Variants in VPS37C observed in about 807,000 individuals in gnomAD.
VPS37C encodes the protein VPS37C subunit of ESCRT-I.
Under a neutral mutation model 16.1 loss-of-function variants are expected in VPS37C, and 9 were observed. That is an observed-to-expected ratio of 0.56 (90% confidence interval 0.34 to 0.97). VPS37C has a LOEUF of 0.97. Among genes scored for constraint, VPS37C ranks in the 50% least tolerant of loss-of-function variants. VPS37C has a pLI of 0.02. For missense variants in VPS37C, 479 were observed against 472.7 expected (o/e 1.01, Z -0.12); for synonymous variants, 207 against 206.4 (o/e 1.00, Z -0.02).
chr11:61,133,312 T>C lies in VPS37C; in HGVS notation c.291A>G (p.Pro97=). Residue 97 remains proline, a synonymous_variant, in exon 4 of 5, where the codon CCA becomes CCG. Transcript: ENST00000301765. ...KLEKFSSALQ[P]GTLLDLLQVE... ...CCTGCAGAAGGTCTAACAAGGTCCC[T>C]GGCTGCAGTGCTGAAGAAAATTTCT... 2 of 1,614,170 alleles carry C rather than the reference T, an allele frequency of 1.2e-6. No homozygotes were observed. Among genetic ancestry groups the C allele is most frequent in the Non-Finnish European group, 1.7e-6 (2 of 1,180,016 alleles).
chr11:61,151,077 G>C (rs1333543934), intron 1 of VPS37C, among the ~76,000 whole-genome samples: 1 of 152,154 alleles, frequency 6.6e-6, no homozygotes, highest in Non-Finnish European at 1.5e-5. Flanking sequence ...GGGAGGAAAC[G>C]CAGAGCCTGA....
Position 61,134,130 on chromosome 11 carries a change from C to G in VPS37C, c.171G>C (p.Gln57His). 1.2e-6 allele frequency: 2 copies of G among 1,614,014 alleles called. No homozygotes were observed. The highest frequency in any genetic ancestry group is 1.7e-6 in the Non-Finnish European group (2 of 1,179,982). Reference sequence around the variant, plus strand: ...TTGAGCGGCTGATCTCCAGGGGACCCTGGAACTCCAAGTTCCGCTCTGCCA... The same window carrying G: ...TTGAGCGGCTGATCTCCAGGGGACCGTGGAACTCCAAGTTCCGCTCTGCCA... ...RSLAERNLEF[Q>H]GPLEISRSNL... The change falls in exon 3 of 5, where the codon CAG (glutamine) becomes CAC (histidine). Residue 57 changes from glutamine to histidine, a missense_variant. By Grantham distance (24) the Gln-to-His change is conservative (BLOSUM62 0). Transcript: ENST00000301765.
At chr11:61,153,455 G>A (rs961196292) in intron 1 of VPS37C, among the ~76,000 whole-genome samples, 1 of 152,086 alleles carries the variant, frequency 6.6e-6, no homozygotes, top group African/African-American at 2.4e-5. Flanking sequence ...TTATAGCAGT[G>A]TGAAAAAACG....
At chr11:61,140,407 G>A (rs72914713) in intron 1 of VPS37C, among the ~76,000 whole-genome samples, 5,679 of 151,712 alleles carry the variant, frequency 0.037, 158 homozygotes, top group Non-Finnish European at 0.06. Flanking sequence ...GGGTGCCCTG[G>A]TTTAAACAAC....
In VPS37C at chr11:61,138,744, G is replaced by T. The variant is rs746081793; in HGVS notation, c.86C>A (p.Ser29Tyr). The T allele has an allele frequency of 1.2e-6, 2 of 1,613,930 alleles. No homozygotes were observed. Among genetic ancestry groups the T allele is most frequent in the South Asian group, 1.1e-5 (1 of 91,074 alleles). Residue 29 changes from serine (S) to tyrosine (Y), a missense_variant, in exon 2 of 5, where the codon TCC becomes TAC. Ser to Tyr is a moderately radical substitution (Grantham distance 144). Transcript: ENST00000301765. The stretch of plus-strand genomic sequence containing the variant: ...ATACCAGCCTCCCTCTACCTCAGGG[G>T]ACTCCAGGGCCAGCTGGTCAATCGC... ...SEAIDQLALE[S>Y]PEVQDLQLER...
At chr11:61,138,929 GT>G in intron 1 of VPS37C, 94 bp from the exon 2 acceptor site, 2 of 1,160,560 alleles carry the variant, frequency 1.7e-6, no homozygotes, top group South Asian at 2.5e-5. Context: ...ACAAACTGGA[GT>G]TTTCCTGCGA....
intron 1 of VPS37C, among the ~76,000 whole-genome samples, chr11:61,156,189 C>G (rs571636069): frequency 1.3e-5 from 2 of 152,144 alleles, no homozygotes; most frequent in African/African-American, 4.8e-5. Context: ...AAATTGAAAA[C>G]AAATAGCAAG....
chr11:61,150,540 T>C lies in VPS37C; in HGVS notation c.-7+10851A>G, dbSNP rs1044219806. Among the ~76,000 whole-genome samples, 97 of 134,684 alleles carry C rather than the reference T, an allele frequency of 7.2e-4. 1 individual carries two copies. Among genetic ancestry groups the C allele is most frequent in the Non-Finnish European group, 8.9e-4 (58 of 65,508 alleles). 88.4% of individuals were successfully genotyped at this position (134,684 alleles called of 152,430 possible). A position where few individuals can be genotyped will look rare whatever the true frequency, so the allele number is the denominator to read the frequency against. ...TGGCCTAATCCTGTCACTTTCAACCTTTTTCAAAGGAGTTTTGTTTTTTTT... is the reference window on the plus strand; with the variant it reads ...TGGCCTAATCCTGTCACTTTCAACCCTTTTCAAAGGAGTTTTGTTTTTTTT... On this transcript the variant is annotated intron_variant, in intron 1 of 4. Transcript: ENST00000301765.
chr11:61,133,960 G>C (rs142405695), intron 3 of VPS37C, 76 bp downstream of exon 3: 2 of 1,509,326 alleles, frequency 1.3e-6, no homozygotes, highest in African/African-American at 1.4e-5. Flanking sequence ...AAAGCACTTA[G>C]CACAGGGCTG....
At chr11:61,134,940 G>C (rs1861339288) in intron 2 of VPS37C, among the ~76,000 whole-genome samples, 1 of 152,222 alleles carries the variant, frequency 6.6e-6, no homozygotes. Context: ...CTGTTGTGAT[G>C]TGACGCCCCA....
intron 1 of VPS37C, among the ~76,000 whole-genome samples, chr11:61,147,842 C>A (rs567670564): frequency 6.6e-6 from 1 of 152,182 alleles, no homozygotes; most frequent in Non-Finnish European, 1.5e-5. Context: ...ACTCTCCCCC[C>A]AGATTGTGTG....
At chr11:61,135,053 A>G (rs1364814490) in intron 2 of VPS37C, among the ~76,000 whole-genome samples, 1 of 152,182 alleles carries the variant, frequency 6.6e-6, no homozygotes, top group Non-Finnish European at 1.5e-5. Flanking sequence ...GGGGCACCAG[A>G]AGAGAGGCCT....
At chr11:61,152,141 C>T (rs1268130331) in intron 1 of VPS37C, among the ~76,000 whole-genome samples, 2 of 152,128 alleles carry the variant, frequency 1.3e-5, no homozygotes, top group Admixed American at 6.5e-5. Flanking sequence ...GAGTGTGCAC[C>T]GGTCATGCAA....
chr11:61,157,466 T>C (rs1406340484), intron 1 of VPS37C, among the ~76,000 whole-genome samples: 10 of 152,248 alleles, frequency 6.6e-5, no homozygotes, highest in African/African-American at 2.2e-4. Context: ...CACTGTGGTA[T>C]TGATTTGCAT....
chr11:61,141,185 A>G (rs964750560), intron 1 of VPS37C, among the ~76,000 whole-genome samples: 1 of 152,172 alleles, frequency 6.6e-6, no homozygotes, highest in African/African-American at 2.4e-5. Context: ...CCTAGCCAAC[A>G]TGTTGAAACC....
intron 1 of VPS37C, 110 bp from the exon 2 acceptor site, chr11:61,138,945 AC>A: frequency 2.0e-6 from 2 of 977,676 alleles, no homozygotes. Flanking sequence ...CTGCGATAAT[AC>A]CACTCCACCG....
At chr11:61,142,573 T>C (rs1014494450) in intron 1 of VPS37C, among the ~76,000 whole-genome samples, 1 of 151,918 alleles carries the variant, frequency 6.6e-6, no homozygotes, top group Non-Finnish European at 1.5e-5. Flanking sequence ...AACACTACCT[T>C]CCATTAGCTG....
chr11:61,137,604 C>G (rs1429905070), intron 2 of VPS37C, among the ~76,000 whole-genome samples: 2 of 152,224 alleles, frequency 1.3e-5, no homozygotes, highest in African/African-American at 4.8e-5. Context: ...CCAGGCTGGG[C>G]AGGAGCAACG....
rs551449899 is a variant in VPS37C at position 61,156,161 on chromosome 11, G to A, written c.-7+5230C>T. On this transcript the variant is annotated intron_variant, in intron 1 of 4. Coordinates refer to ENST00000301765, the MANE Select transcript of VPS37C (RefSeq NM_017966.5). ...AAGAAGTCATAAAAAAGGAAAAAGG[G>A]AACAAAGCACATGGGACAAATTGAA... Among the ~76,000 whole-genome samples the A allele has an allele frequency of 3.3e-5, 5 of 152,216 alleles. No homozygotes were observed. The East Asian group carries it at 9.6e-4, about 29-fold the overall frequency.
Sources: allele counts gnomAD v4.1 joint callset (sites outside exome capture counted in the v4.1 genomes callset), GRCh38; gene constraint gnomAD v4.1.1; transcripts MANE v1.5; gene names NCBI Gene and HGNC (gene_info 2026-07-23, HGNC 2026-07-21).